Variants in SRGAP2B observed in about 807,000 individuals in gnomAD.
SRGAP2B encodes the protein SLIT-ROBO Rho GTPase-activating protein 2B.
In SRGAP2B, 9 loss-of-function variants were observed where a neutral mutation model predicts 22.2. The observed-to-expected ratio is 0.41, with a 90% confidence interval of 0.24 to 0.71. The LOEUF (loss-of-function observed/expected upper bound fraction) is 0.71, where lower values mean the gene tolerates loss of function less well. Ranked by LOEUF, SRGAP2B falls within the 30% of genes least tolerant of loss-of-function variation. The pLI is 0.35. For synonymous variants in SRGAP2B, 36 were observed against 87.4 expected (o/e 0.41, Z 3.28); for missense variants, 114 against 235.8 (o/e 0.48, Z 3.38).
At chr1:144,954,757 C>T (rs1553609967) in intron 4 of SRGAP2B, among the ~76,000 whole-genome samples, 1 of 150,296 alleles carries the variant, frequency 6.7e-6, no homozygotes, top group Non-Finnish European at 1.5e-5. Flanking sequence ...TTGAGTTTTC[C>T]TTTGTCAAAT....
chr1:145,068,297 G>A (rs1367786702), intron 2 of SRGAP2B, among the ~76,000 whole-genome samples: 1 of 145,598 alleles, frequency 6.9e-6, no homozygotes, highest in Non-Finnish European at 1.5e-5. Flanking sequence ...CACCAGACCA[G>A]AGCCTGGTAC....
chr1:144,991,126 G>A (rs1172425973), intron 3 of SRGAP2B, among the ~76,000 whole-genome samples: 1 of 151,218 alleles, frequency 6.6e-6, no homozygotes, highest in African/African-American at 2.5e-5. Context: ...GTCTGGTGGG[G>A]ACGTGGAAAG....
At chr1:144,943,817 C>A (rs1666257018) in intron 4 of SRGAP2B, among the ~76,000 whole-genome samples, 1 of 149,580 alleles carries the variant, frequency 6.7e-6, no homozygotes, top group Admixed American at 6.6e-5. Flanking sequence ...TATCCAAATG[C>A]CATCAACAGT....
intron 2 of SRGAP2B, among the ~76,000 whole-genome samples, chr1:145,030,702 T>TAA (rs1648190698): frequency 1.5e-4 from 3 of 20,652 alleles, no homozygotes; most frequent in South Asian, 2.0e-3. Context: ...AAAGTATAAT[T>TAA]TAAAAAAAAA....
rs1228262480 is a variant in SRGAP2B, at chr1:145,013,465, ATCTT to A, written c.68-18269_68-18266del. On this transcript the variant is annotated intron_variant, in intron 2 of 9. Coordinates refer to ENST00000612199, the Ensembl canonical transcript of SRGAP2B. The stretch of plus-strand genomic sequence containing the variant: ...GCAACAAGCTCAGTATCTCCCCTGT[ATCTT>A]TCTGTCTCAGGTATAATCTGCATCT... Among the ~76,000 whole-genome samples, 5 of 150,246 alleles carry A rather than the reference ATCTT, an allele frequency of 3.3e-5. 1 individual carries two copies. The highest frequency in any genetic ancestry group is 1.3e-4 in the African/African-American group (5 of 39,892).
rs1451488331 is a variant in SRGAP2B, at chr1:144,984,147, C to T, written c.260+10861G>A. ...ACCAACCTGACCAACATGGAGAAGC[C>T]CCGTCTCTACTAAAAATACAAAATT... is the stretch of plus-strand genomic sequence containing the variant. On this transcript the variant is annotated intron_variant, in intron 3 of 9. Coordinates refer to ENST00000612199, the Ensembl canonical transcript of SRGAP2B. Among the ~76,000 whole-genome samples, 4 of 150,216 alleles carry T rather than the reference C, an allele frequency of 2.7e-5. 1 individual carries two copies. Among genetic ancestry groups the T allele is most frequent in the Admixed American group, 2.6e-4 (4 of 15,136 alleles).
intron 2 of SRGAP2B, among the ~76,000 whole-genome samples, chr1:145,042,037 C>A (rs1553627694): frequency 1.3e-5 from 2 of 149,538 alleles, no homozygotes; most frequent in Admixed American, 1.3e-4. Flanking sequence ...CTCTTCCTTT[C>A]TTTTCTTTGG....
intron 4 of SRGAP2B, among the ~76,000 whole-genome samples, chr1:144,952,745 T>C (rs1198078709): frequency 6.6e-6 from 1 of 150,578 alleles, no homozygotes; most frequent in Non-Finnish European, 1.5e-5. Context: ...GCTCATGCAA[T>C]ACTCCCACCT....
intron 3 of SRGAP2B, among the ~76,000 whole-genome samples, chr1:144,958,032 T>G (rs1256444375): frequency 6.7e-6 from 1 of 149,652 alleles, no homozygotes; most frequent in Admixed American, 6.6e-5. Flanking sequence ...CATTTGTATC[T>G]TAAATGAACA....
In SRGAP2B at chr1:144,964,687, C is replaced by A. The variant is rs1225499022; in HGVS notation, c.261-9086G>T. On this transcript the variant is annotated intron_variant, in intron 3 of 9. Transcript: ENST00000612199. ...ACACAGAGTCTAGGCTTAGCTCTGC[C>A]ACTTACTAGCCAGGTAACTTTGGGC... Among the ~76,000 whole-genome samples the A allele has an allele frequency of 4.0e-5, 6 of 151,224 alleles. No homozygotes were observed. In the South Asian group the frequency reaches 6.2e-4, roughly 16 times the overall value.
chr1:144,914,138 G>A (rs1324666578), intron 5 of SRGAP2B, among the ~76,000 whole-genome samples: 7 of 151,714 alleles, frequency 4.6e-5, no homozygotes, highest in Admixed American at 1.3e-4. Flanking sequence ...AGCCTGCCTC[G>A]TCACTGAGGT....
intron 2 of SRGAP2B, among the ~76,000 whole-genome samples, chr1:145,012,355 T>C (rs1473165793): frequency 6.7e-6 from 1 of 149,978 alleles, no homozygotes; most frequent in Non-Finnish European, 1.5e-5. Context: ...CTGGCTTCTT[T>C]TTACTTTTCA....
chr1:144,939,910 A>G (rs1482368164), intron 4 of SRGAP2B, among the ~76,000 whole-genome samples: 23 of 150,258 alleles, frequency 1.5e-4, no homozygotes, highest in Admixed American at 1.5e-3. Context: ...GGCTTGGATT[A>G]TCTTGGCTTT....
chr1:145,058,179 T>C (rs1553630760), intron 2 of SRGAP2B, among the ~76,000 whole-genome samples: 1 of 149,508 alleles, frequency 6.7e-6, no homozygotes, highest in African/African-American at 2.5e-5. Flanking sequence ...TTCTGAGCCT[T>C]AGTTTCCTCA....
At chr1:145,007,040 C>A (rs1265538337) in intron 2 of SRGAP2B, among the ~76,000 whole-genome samples, 2 of 149,746 alleles carry the variant, frequency 1.3e-5, no homozygotes, top group Non-Finnish European at 3.0e-5. Flanking sequence ...GCAGCCACTC[C>A]ACTGGATTGT....
At chr1:144,902,877 C>A (rs1662740035) in intron 7 of SRGAP2B, among the ~76,000 whole-genome samples, 1 of 86,114 alleles carries the variant, frequency 1.2e-5, no homozygotes, top group Admixed American at 1.4e-4. Flanking sequence ...TTTTCAATGG[C>A]ATGTCACACC....
intron 2 of SRGAP2B, among the ~76,000 whole-genome samples, chr1:145,001,986 T>C (rs1193446555): frequency 2.1e-5 from 3 of 143,140 alleles, no homozygotes; most frequent in African/African-American, 5.5e-5. Flanking sequence ...TGTGCCACTA[T>C]ACTCCAGCCT....
rs587720264 is a variant in SRGAP2B, at chr1:145,015,354, T to C, written c.68-20154A>G. 9.8e-3 allele frequency among the ~76,000 whole-genome samples: 1,147 copies of C among 117,074 alleles called. 55 individuals carry two copies. Among genetic ancestry groups the C allele is most frequent in the African/African-American group, 0.04 (1,083 of 27,258 alleles). 76.8% of individuals were successfully genotyped at this position (117,074 alleles called of 152,430 possible). On this transcript the variant is annotated intron_variant, in intron 2 of 9. Transcript: ENST00000612199. ...TCAGCCTCCCAAAGTGCTGGGATTATGGGCGTGAGCCACCATGCCCTGCCC... is the reference window on the plus strand; with the variant it reads ...TCAGCCTCCCAAAGTGCTGGGATTACGGGCGTGAGCCACCATGCCCTGCCC...
intron 2 of SRGAP2B, among the ~76,000 whole-genome samples, chr1:144,999,944 G>A (rs1367889127): frequency 1.3e-5 from 2 of 149,936 alleles, no homozygotes; most frequent in Non-Finnish European, 2.9e-5. Context: ...TTTACAGTAT[G>A]TGAATTATAT....
Sources: gnomAD v4.1 joint callset for allele counts (sites outside exome capture counted in the v4.1 genomes callset) on GRCh38, gnomAD v4.1.1 for gene constraint, MANE v1.5 for transcripts, NCBI Gene and HGNC (gene_info 2026-07-23, HGNC 2026-07-21) for gene names.